ZFPM1: variants seen among roughly 807,000 people sequenced by gnomAD.
The protein encoded by ZFPM1 is zinc finger protein ZFPM1.
Under a neutral mutation model 46.3 loss-of-function variants are expected in ZFPM1, and 28 were observed. That is an observed-to-expected ratio of 0.60 (90% CI 0.45 to 0.83). ZFPM1 has a LOEUF of 0.83. ZFPM1 is among the 40% of genes least tolerant of loss of function. The pLI, the probability that ZFPM1 is intolerant of heterozygous loss-of-function variation, is 0.00. For missense variants in ZFPM1, 1,878 were observed against 1,432.4 expected, an observed-to-expected ratio of 1.31 and a Z score of -5.02; for synonymous variants, 957 against 675.9, an observed-to-expected ratio of 1.42 and a Z score of -6.45.
At chr16:88,494,163 G>A (rs116987879) in intron 3 of ZFPM1, among the ~76,000 whole-genome samples, 5,240 of 152,200 alleles carry the variant, frequency 0.034, 126 homozygotes, top group Non-Finnish European at 0.048. Flanking sequence ...GGGCGGCCTG[G>A]GTTATCTCGG....
chr16:88,471,298 C>G lies in ZFPM1; in HGVS notation c.41-14641C>G, dbSNP rs569205132. Among the ~76,000 whole-genome samples, 1 of 152,380 alleles carries G rather than the reference C, an allele frequency of 6.6e-6. No homozygotes were observed. Among genetic ancestry groups the G allele is most frequent in the East Asian group, 1.9e-4 (1 of 5,186 alleles). The stretch of plus-strand genomic sequence containing the variant: ...CTCCACCCTCGCGAAGGCCAGCGGC[C>G]GCAGGGTCTGGCTTGGGCTATAGCA... On this transcript the variant is annotated intron_variant, in intron 1 of 9. Transcript: ENST00000319555. This position sits in a 1 kb window ranked among gnomAD's most constrained non-coding sequence, Gnocchi z 4.1.
chr16:88,487,578 G>A lies in ZFPM1; in HGVS notation c.146-1453G>A, dbSNP rs536827386. On this transcript the variant is annotated intron_variant, in intron 2 of 9. Transcript: ENST00000319555. ...GAGGGGTCTGCAGCCGAGGGGCTGG[G>A]GTGGAGATCCCAGGCAGACCTTGGT... Among the ~76,000 whole-genome samples, 3 of 152,146 alleles carry A rather than the reference G, an allele frequency of 2.0e-5. No individual in the cohort carries two copies. The East Asian group carries it at 5.8e-4, about 29-fold the overall frequency.
At chr16:88,473,041 G>A (rs549378967) in intron 1 of ZFPM1, among the ~76,000 whole-genome samples, 40 of 152,378 alleles carry the variant, frequency 2.6e-4, no homozygotes, top group African/African-American at 7.9e-4. Context: ...GCCCTGCGGC[G>A]CTGCCGTCCC....
At chr16:88,528,754 T>C (rs1396013046) in intron 6 of ZFPM1, among the ~76,000 whole-genome samples, 2 of 145,946 alleles carry the variant, frequency 1.4e-5, no homozygotes, top group African/African-American at 2.5e-5. Flanking sequence ...TGTTTTTTTT[T>C]CGAGACAAGG....
intron 1 of ZFPM1, among the ~76,000 whole-genome samples, chr16:88,457,687 C>T (rs956721572): frequency 6.6e-6 from 1 of 152,034 alleles, no homozygotes; most frequent in East Asian, 1.9e-4. Flanking sequence ...CATGGAGTCT[C>T]ACTACGTTGC....
intron 4 of ZFPM1, 149 bp from the exon 5 acceptor site, chr16:88,526,665 C>G: frequency 1.2e-6 from 1 of 841,162 alleles, no homozygotes; most frequent in African/African-American, 1.7e-5. Flanking sequence ...ACACCTCTGC[C>G]AGCTCTTGGG....
chr16:88,493,586 G>A (rs576274692), intron 3 of ZFPM1, among the ~76,000 whole-genome samples: 115 of 146,942 alleles, frequency 7.8e-4, no homozygotes, highest in Admixed American at 1.5e-3. Context: ...GGTGTGGTGA[G>A]CTGTCCCGGG....
chr16:88,528,016 A>G lies in ZFPM1; in HGVS notation c.506-16A>G, dbSNP rs1320695883. 1.3e-6 allele frequency: 2 copies of G among 1,526,352 alleles called. No individual in the cohort carries two copies. Among genetic ancestry groups the G allele is most frequent in the Admixed American group, 2.0e-5 (1 of 50,086 alleles). The allele number at this position is 1,526,352 out of a possible 1,614,324, so 94.6% of individuals were successfully genotyped here. On this transcript the variant is annotated splice_polypyrimidine_tract_variant and intron_variant, in intron 5 of 9. Transcript: ENST00000319555. Reference sequence around the variant, plus strand: ...GGGGCACAAAGTCCTAGGTTTGGACACCTGTCTCCCTCCAGATGACGCACT... The same window carrying G: ...GGGGCACAAAGTCCTAGGTTTGGACGCCTGTCTCCCTCCAGATGACGCACT...
chr16:88,458,864 G>A (rs372275582), intron 1 of ZFPM1, among the ~76,000 whole-genome samples: 1 of 152,180 alleles, frequency 6.6e-6, no homozygotes, highest in Non-Finnish European at 1.5e-5. Context: ...AGGGAAGGGG[G>A]TTCCAGAACC....
chr16:88,456,417 T>G lies in ZFPM1; in HGVS notation c.40+2739T>G, dbSNP rs1164808874. Among the ~76,000 whole-genome samples the G allele has an allele frequency of 4.0e-5, 6 of 150,156 alleles. No individual in the cohort carries two copies. The East Asian group carries it at 9.7e-4, about 24-fold the overall frequency. ...CTTGAAAAAAAAAAAATCAAGGTGG[T>G]TTCCATGGCCCAGACTGCTTTGGGG... On this transcript the variant is annotated intron_variant, in intron 1 of 9. Transcript: ENST00000319555.
intron 6 of ZFPM1, among the ~76,000 whole-genome samples, chr16:88,529,696 T>C (rs1400773760): frequency 6.6e-6 from 1 of 152,154 alleles, no homozygotes; most frequent in Non-Finnish European, 1.5e-5. Context: ...GCAGGTGGTC[T>C]GGCACATCCA....
chr16:88,459,590 CT>C (rs1393762070), intron 1 of ZFPM1, among the ~76,000 whole-genome samples: 3 of 124,174 alleles, frequency 2.4e-5, no homozygotes, highest in Non-Finnish European at 5.1e-5. Context: ...CCTCCTCCCC[CT>C]CCTCCTCTTT....
chr16:88,475,784 A>G (rs1597236125), intron 1 of ZFPM1, among the ~76,000 whole-genome samples: 1 of 152,146 alleles, frequency 6.6e-6, no homozygotes, highest in Non-Finnish European at 1.5e-5. Context: ...GGCTGGGCTC[A>G]GAGGAGCCCC....
upstream of ZFPM1, among the ~76,000 whole-genome samples, chr16:88,452,523 G>C (rs1291316297): frequency 2.0e-5 from 3 of 152,262 alleles, no homozygotes; most frequent in Non-Finnish European, 4.4e-5. Flanking sequence ...CACAGGGGAA[G>C]ACCCGAGATC....
chr16:88,494,185 C>T (rs901404106), intron 3 of ZFPM1, among the ~76,000 whole-genome samples: 2 of 152,060 alleles, frequency 1.3e-5, no homozygotes, highest in South Asian at 2.1e-4. Flanking sequence ...TTGGGGGGTG[C>T]GGGCAGGTTC....
intron 1 of ZFPM1, among the ~76,000 whole-genome samples, chr16:88,485,504 A>G (rs1388734120): frequency 6.6e-6 from 1 of 151,620 alleles, no homozygotes; most frequent in African/African-American, 2.4e-5. Flanking sequence ...CAGCGGTGCA[A>G]TCGCGGCTCA....
At position 88,486,050 on chromosome 16, in the gene ZFPM1, C is replaced by A; in HGVS notation, c.145+7C>A. The A allele has an allele frequency of 6.2e-7, 1 of 1,609,764 alleles. No homozygotes were observed. Among genetic ancestry groups the A allele is most frequent in the South Asian group, 1.1e-5 (1 of 90,600 alleles). Reference sequence around the variant, plus strand: ...CCGAGCCCTCCCAGCGCAGGTGAGTCAGACTGAGCCCTCTCACCGCGCCTC... The same window carrying A: ...CCGAGCCCTCCCAGCGCAGGTGAGTAAGACTGAGCCCTCTCACCGCGCCTC... On this transcript the variant is annotated splice_region_variant and intron_variant, in intron 2 of 9. Coordinates refer to ENST00000319555, the MANE Select transcript of ZFPM1 (RefSeq NM_153813.3).
chr16:88,533,918 C>G lies in ZFPM1; in HGVS notation c.1960C>G (p.Pro654Ala). The G allele has an allele frequency of 8.3e-7, 1 of 1,206,896 alleles. No homozygotes were observed. The highest frequency in any genetic ancestry group is 1.0e-6 in the Non-Finnish European group (1 of 952,950). 74.8% of individuals were successfully genotyped at this position (1,206,896 alleles called of 1,614,324 possible). ...GGAGGGGGCTGGGGGCGCGGCCACG[C>G]CCGAGGACGGCGCGGGCGGCCGGGG... The part of the protein sequence containing the change: ...REEGAGGAAT[P>A]EDGAGGRGSE... The change falls in exon 10 of 10, where the codon CCC becomes GCC. Residue 654 changes from proline (P) to alanine (A), a missense_variant. Pro to Ala is a conservative substitution (Grantham distance 27). Coordinates refer to ENST00000319555, the MANE Select transcript of ZFPM1 (RefSeq NM_153813.3).
At chr16:88,533,069 T>G in intron 9 of ZFPM1, 79 bp from the exon 10 acceptor site, 3 of 445,938 alleles carry the variant, frequency 6.7e-6, no homozygotes, top group Non-Finnish European at 7.5e-6. Context: ...ACCCCTCCCC[T>G]TCCGGAGCTC....
Sources: gnomAD v4.1 joint callset for allele counts (sites outside exome capture counted in the v4.1 genomes callset) on GRCh38, gnomAD v4.1.1 for gene constraint, Gnocchi (gnomAD v3.1) non-coding constraint, MANE v1.5 for transcripts, NCBI Gene and HGNC (gene_info 2026-07-23, HGNC 2026-07-21) for gene names.